The following ELAPOR1 variants were observed in gnomAD, a reference collection of about 807,000 sequenced individuals.
ELAPOR1 encodes endosome/lysosome-associated apoptosis and autophagy regulator 1.
In ELAPOR1, 77 loss-of-function variants were observed where a neutral mutation model predicts 119.7. The observed-to-expected ratio is 0.64, with a 90% CI of 0.54 to 0.78. ELAPOR1 has a LOEUF of 0.78. ELAPOR1 is among the 30% of genes least tolerant of loss of function. ELAPOR1 has a pLI of 0.00. For synonymous variants in ELAPOR1, 481 were observed against 487.2 expected, an observed-to-expected ratio of 0.99 and a Z score of 0.17; for missense variants, 1,115 against 1,270.4, an observed-to-expected ratio of 0.88 and a Z score of 1.86.
intron 1 of ELAPOR1, among the ~76,000 whole-genome samples, chr1:109,145,174 C>T (rs1260561633): frequency 6.6e-6 from 1 of 152,090 alleles, no homozygotes; most frequent in Non-Finnish European, 1.5e-5. Flanking sequence ...GATCCCTTTT[C>T]TTGCCCTTCT....
At position 109,199,911 on chromosome 1, in the gene ELAPOR1, G is replaced by T. The variant is rs144446800; in HGVS notation, c.2559G>T (p.Ala853=). 6.2e-7 allele frequency: 1 copy of T among 1,613,898 alleles called. No individual in the cohort carries two copies. ...ACTTCCACTTCCTGTGGGAGAGCGC[G>T]GCTGCTTGCCCGCTCTGCTCAGTGG... ...GCNFHFLWES[A]AACPLCSVAD... is the part of the protein sequence containing the mutation. Residue 853 remains alanine, a synonymous_variant, in exon 19 of 22, where the codon GCG becomes GCT. Transcript: ENST00000369939.
intron 1 of ELAPOR1, among the ~76,000 whole-genome samples, chr1:109,116,153 G>A (rs1485156351): frequency 6.6e-6 from 1 of 152,220 alleles, no homozygotes; most frequent in Non-Finnish European, 1.5e-5. Flanking sequence ...ACTTGTGTAC[G>A]AATTTTGCCT....
rs1338328864 is a variant in ELAPOR1 at position 109,206,207 on chromosome 1, G to T, written c.*3195G>T. 2.0e-5 allele frequency: 3 copies of T among 152,246 alleles called. No individual in the cohort carries two copies. In the East Asian group the frequency reaches 5.8e-4, roughly 29 times the overall value. The allele number at this position is 152,246 out of a possible 1,614,324, so 9.4% of individuals were successfully genotyped here. On this transcript the variant is annotated 3_prime_UTR_variant, in exon 22 of 22. Transcript: ENST00000369939. The stretch of plus-strand genomic sequence containing the variant: ...TTTTTGTGTTTTTAGTAGAGATGGG[G>T]TTTCACCATGTTGGCCAGGCTGGTC...
chr1:109,152,110 GC>G (rs948279177), intron 1 of ELAPOR1, among the ~76,000 whole-genome samples: 94 of 152,292 alleles, frequency 6.2e-4, no homozygotes, highest in African/African-American at 2.2e-3. Context: ...CTGGCCTCAA[GC>G]AATCCTTCTG....
intron 8 of ELAPOR1, 78 bp downstream of exon 8, chr1:109,185,211 C>T: frequency 9.2e-7 from 1 of 1,084,298 alleles, no homozygotes; most frequent in African/African-American, 1.5e-5. Context: ...CCATTTGGAA[C>T]TTCAGCAGTC....
chr1:109,154,281 C>CA (rs745938875), intron 1 of ELAPOR1, among the ~76,000 whole-genome samples: 1,849 of 38,718 alleles, frequency 0.048, 36 homozygotes, highest in African/African-American at 0.091. Flanking sequence ...AACTCCGTCT[C>CA]AAAAAAAAAA....
intron 1 of ELAPOR1, among the ~76,000 whole-genome samples, chr1:109,130,214 G>T (rs1255032075): frequency 6.6e-6 from 1 of 152,176 alleles, no homozygotes; most frequent in African/African-American, 2.4e-5. Context: ...ATTACATTCT[G>T]AGCTCCAGGG....
chr1:109,156,852 C>G lies in ELAPOR1; in HGVS notation c.154-5042C>G, dbSNP rs943620912. On this transcript the variant is annotated intron_variant, in intron 1 of 21. Transcript: ENST00000369939. ...GATTGGCCTCGTGTGGGTCATGTGT[C>G]CATCCATGGCAGAGGAAGGTGGGCC... is the stretch of plus-strand genomic sequence containing the variant. Among the ~76,000 whole-genome samples, 4 of 152,140 alleles carry G rather than the reference C, an allele frequency of 2.6e-5. No individual in the cohort carries two copies. In the East Asian group the frequency reaches 5.8e-4, roughly 22 times the overall value.
At chr1:109,115,027 T>C (rs1647899361) in intron 1 of ELAPOR1, among the ~76,000 whole-genome samples, 1 of 152,236 alleles carries the variant, frequency 6.6e-6, no homozygotes, top group African/African-American at 2.4e-5. Flanking sequence ...AGTCTCCTTC[T>C]CTGACTTAAC....
chr1:109,121,776 T>A (rs1048655469), intron 1 of ELAPOR1, among the ~76,000 whole-genome samples: 1 of 147,784 alleles, frequency 6.8e-6, no homozygotes, highest in Non-Finnish European at 1.5e-5. Flanking sequence ...TGTATTACTT[T>A]TTTTTTTTTT....
At chr1:109,197,446 T>G in intron 15 of ELAPOR1, 28 bp from the exon 16 acceptor site, 1 of 1,605,218 alleles carries the variant, frequency 6.2e-7, no homozygotes, top group Non-Finnish European at 8.5e-7. Flanking sequence ...CACTTCTTCC[T>G]ACTTCTTCCT....
chr1:109,198,429 C>T, intron 17 of ELAPOR1, 144 bp from the exon 18 acceptor site: 1 of 678,732 alleles, frequency 1.5e-6, no homozygotes, highest in South Asian at 1.8e-5. Context: ...TAAACCAAGG[C>T]CTGTGCACTC....
chr1:109,171,540 A>G (rs1404394825), intron 3 of ELAPOR1, among the ~76,000 whole-genome samples: 1 of 151,870 alleles, frequency 6.6e-6, no homozygotes, highest in Non-Finnish European at 1.5e-5. Flanking sequence ...AGACAGAGCG[A>G]GACTCTGCCT....
intron 18 of ELAPOR1, 140 bp from the exon 19 acceptor site, chr1:109,199,714 A>T: frequency 1.1e-6 from 1 of 942,522 alleles, no homozygotes; most frequent in Non-Finnish European, 1.6e-6. Context: ...GTTAAGGACT[A>T]GTTGGAAGGA....
At chr1:109,153,398 C>T (rs1650655825) in intron 1 of ELAPOR1, among the ~76,000 whole-genome samples, 1 of 152,018 alleles carries the variant, frequency 6.6e-6, no homozygotes, top group Non-Finnish European at 1.5e-5. Flanking sequence ...AACTCCAGGT[C>T]CAACAATAGG....
intron 7 of ELAPOR1, among the ~76,000 whole-genome samples, chr1:109,184,012 G>A (rs1652900950): frequency 6.6e-6 from 1 of 152,010 alleles, no homozygotes; most frequent in African/African-American, 2.4e-5. Flanking sequence ...AGTTAAGATT[G>A]TACCACTGCA....
At chr1:109,129,151 A>C (rs1039932933) in intron 1 of ELAPOR1, among the ~76,000 whole-genome samples, 4 of 152,196 alleles carry the variant, frequency 2.6e-5, no homozygotes, top group African/African-American at 9.6e-5. Context: ...TTTAAAATAA[A>C]CCCCTCATTA....
At chr1:109,188,916 T>A in intron 9 of ELAPOR1, 150 bp from the exon 10 acceptor site, 1 of 806,574 alleles carries the variant, frequency 1.2e-6, no homozygotes, top group South Asian at 1.8e-5. Flanking sequence ...TGTTTTTGAG[T>A]CAACTTGATA....
chr1:109,176,052 A>G (rs1444792908), intron 7 of ELAPOR1, among the ~76,000 whole-genome samples: 1 of 152,100 alleles, frequency 6.6e-6, no homozygotes, highest in Non-Finnish European at 1.5e-5. Context: ...GCATTCTGGG[A>G]AATCTAGGTT....
Sources: allele counts gnomAD v4.1 joint callset (sites outside exome capture counted in the v4.1 genomes callset), GRCh38; gene constraint gnomAD v4.1.1; transcripts MANE v1.5; gene names NCBI Gene and HGNC (gene_info 2026-07-23, HGNC 2026-07-21).